AXDND1: variants seen among roughly 807,000 people sequenced by gnomAD.
AXDND1 encodes axonemal dynein light chain domain-containing protein 1.
In AXDND1, 110 loss-of-function variants were observed where a neutral mutation model predicts 137.5. The ratio of observed to expected loss-of-function variants is 0.80; its 90% confidence interval spans 0.69 to 0.94. The LOEUF is 0.94. AXDND1 is among the 40% of genes least tolerant of loss of function. AXDND1 has a pLI of 0.00. For synonymous variants in AXDND1, 414 were observed against 399.7 expected, an observed-to-expected ratio of 1.04 and a Z score of -0.43; for missense variants, 1,191 against 1,169.8, an observed-to-expected ratio of 1.02 and a Z score of -0.26.
At chr1:179,542,818 T>C (rs960637204) in intron 25 of AXDND1, among the ~76,000 whole-genome samples, 2 of 152,210 alleles carry the variant, frequency 1.3e-5, no homozygotes, top group African/African-American at 4.8e-5. Flanking sequence ...AACAGTAATT[T>C]ACACAGACAC....
At chr1:179,420,124 T>TA (rs772200819) in intron 12 of AXDND1, among the ~76,000 whole-genome samples, 1 of 152,216 alleles carries the variant, frequency 6.6e-6, no homozygotes, top group Non-Finnish European at 1.5e-5. Flanking sequence ...TCTTCTATAC[T>TA]AAATTTGATG....
intron 23 of AXDND1, among the ~76,000 whole-genome samples, chr1:179,529,465 G>A (rs1355670833): frequency 1.3e-5 from 2 of 152,228 alleles, no homozygotes; most frequent in African/African-American, 4.8e-5. Flanking sequence ...AGAGCCTTCA[G>A]AATGAAGATC....
chr1:179,484,971 A>G (rs1161136152), intron 18 of AXDND1, among the ~76,000 whole-genome samples: 2 of 152,244 alleles, frequency 1.3e-5, no homozygotes, highest in South Asian at 2.1e-4. Flanking sequence ...GAAACTACAC[A>G]TGGATGCCAG....
At chr1:179,450,890 C>T (rs959577496) in intron 16 of AXDND1, 3 of 152,272 alleles carry the variant, frequency 2.0e-5, no homozygotes, top group African/African-American at 7.2e-5. Flanking sequence ...CACCACTTTA[C>T]TCCAGCCTGG....
intron 20 of AXDND1, among the ~76,000 whole-genome samples, chr1:179,504,110 A>G (rs1166598657): frequency 6.6e-6 from 1 of 152,220 alleles, no homozygotes; most frequent in Admixed American, 6.5e-5. Context: ...ATAATATTTT[A>G]CTATTTGAAA....
At position 179,414,451 on chromosome 1, in the gene AXDND1, G is replaced by A. The variant is rs577216294; in HGVS notation, c.1230+3185G>A. ...TATTTATTTATTTTTTTGAGATGGAGTCTCGCTCTTTCACCCATGCTGGAG... is the reference window on the plus strand; with the variant it reads ...TATTTATTTATTTTTTTGAGATGGAATCTCGCTCTTTCACCCATGCTGGAG... On this transcript the variant is annotated intron_variant, in intron 12 of 25. Transcript: ENST00000367618. 5.1e-5 allele frequency among the ~76,000 whole-genome samples: 7 copies of A among 137,000 alleles called. No individual in the cohort carries two copies. In the South Asian group the frequency reaches 1.5e-3, roughly 30 times the overall value. 89.9% of individuals were successfully genotyped at this position (137,000 alleles called of 152,430 possible).
At position 179,383,506 on chromosome 1, in the gene AXDND1, G is replaced by A. The variant is rs1277035501; in HGVS notation, c.703G>A (p.Ala235Thr). 4 of 1,613,918 alleles carry A rather than the reference G, an allele frequency of 2.5e-6. No individual in the cohort carries two copies. The highest frequency in any genetic ancestry group is 1.3e-5 in the African/African-American group (1 of 74,926). The change falls in exon 8 of 26, where the codon GCT becomes ACT. Residue 235 changes from alanine to threonine, a missense_variant. Transcript: ENST00000367618. ...NDVMDTMLER[A>T]GVENQEYTGP... is the part of the protein sequence containing the mutation. ...TGTGATGGATACTATGCTAGAGAGG[G>A]CTGGTGTGGAAAATCAGGAATATAC... is the stretch of plus-strand genomic sequence containing the variant.
chr1:179,403,289 C>T (rs113318474), intron 11 of AXDND1, among the ~76,000 whole-genome samples: 38 of 152,258 alleles, frequency 2.5e-4, no homozygotes, highest in African/African-American at 5.1e-4. Context: ...GTTTACAAGA[C>T]GAATTTGTCT....
intron 21 of AXDND1, among the ~76,000 whole-genome samples, chr1:179,513,999 C>G (rs1031870005): frequency 2.0e-5 from 3 of 152,034 alleles, no homozygotes; most frequent in Middle Eastern, 3.4e-3. Flanking sequence ...ATTTATTTAT[C>G]TTTTCCAAGA....
At chr1:179,502,576 A>AAAG (rs1191878538) in intron 20 of AXDND1, among the ~76,000 whole-genome samples, 1 of 151,598 alleles carries the variant, frequency 6.6e-6, no homozygotes, top group Non-Finnish European at 1.5e-5. Context: ...AAAAAAAAAA[A>AAAG]AAAAAAAAAG....
At chr1:179,485,755 T>C (rs1250929707) in intron 18 of AXDND1, among the ~76,000 whole-genome samples, 1 of 150,994 alleles carries the variant, frequency 6.6e-6, no homozygotes, top group Admixed American at 6.6e-5. Flanking sequence ...ACAAGAAAGT[T>C]GAAACTCAAT....
chr1:179,477,021 G>A (rs34697842), intron 17 of AXDND1, among the ~76,000 whole-genome samples: 21,041 of 151,290 alleles, frequency 0.14, 1,605 homozygotes, highest in East Asian at 0.35. Flanking sequence ...TTTTCATGTC[G>A]CTTCATTCTT....
intron 12 of AXDND1, among the ~76,000 whole-genome samples, chr1:179,411,671 CTTT>C (rs11298764): frequency 6.7e-6 from 1 of 148,482 alleles, no homozygotes; most frequent in Non-Finnish European, 1.5e-5. Context: ...AATTAAGGGT[CTTT>C]TTTTTTTTAA....
intron 16 of AXDND1, chr1:179,449,471 C>A (rs1660226297): frequency 6.4e-6 from 1 of 156,828 alleles, no homozygotes; most frequent in Non-Finnish European, 1.4e-5. Flanking sequence ...CTACTTTATT[C>A]TTTTTCATGA....
chr1:179,548,548 A>G (rs1672855384), intron 25 of AXDND1: 1 of 152,164 alleles, frequency 6.6e-6, no homozygotes, highest in Admixed American at 6.5e-5. Context: ...TTTGGCTTCC[A>G]TGTCCTTTAC....
intron 16 of AXDND1, chr1:179,448,187 G>A (rs745861666): frequency 3.3e-6 from 3 of 896,556 alleles, no homozygotes. Flanking sequence ...GTTCCTTCTT[G>A]TTCAGAGCCT....
At chr1:179,428,114 T>C (rs1379099899) in intron 12 of AXDND1, among the ~76,000 whole-genome samples, 1 of 152,220 alleles carries the variant, frequency 6.6e-6, no homozygotes, top group African/African-American at 2.4e-5. Flanking sequence ...TGGTCAGACC[T>C]CATCTAGAAT....
chr1:179,526,022 A>G (rs899760043), intron 22 of AXDND1, among the ~76,000 whole-genome samples: 1 of 152,084 alleles, frequency 6.6e-6, no homozygotes, highest in Non-Finnish European at 1.5e-5. Context: ...CCTCATTTAT[A>G]CTTTTATTCC....
chr1:179,529,574 G>A (rs1260308750), intron 23 of AXDND1, among the ~76,000 whole-genome samples: 1 of 152,208 alleles, frequency 6.6e-6, no homozygotes, highest in Non-Finnish European at 1.5e-5. Flanking sequence ...GAAAAGACTG[G>A]TTGAGAGAGA....
Sources: gnomAD v4.1 joint callset for allele counts (sites outside exome capture counted in the v4.1 genomes callset) on GRCh38, gnomAD v4.1.1 for gene constraint, MANE v1.5 for transcripts, NCBI Gene and HGNC (gene_info 2026-07-23, HGNC 2026-07-21) for gene names.